Variants in LPP observed in about 807,000 individuals in gnomAD.
The protein encoded by LPP is lipoma-preferred partner.
A neutral mutation model predicts 60.4 loss-of-function variants in LPP; 38 were observed. That is an observed-to-expected ratio of 0.63 (90% confidence interval 0.49 to 0.83). The LOEUF is 0.83. Ranked by LOEUF, LPP falls within the 40% of genes least tolerant of loss-of-function variation. The pLI, the probability that LPP is intolerant of heterozygous loss-of-function variation, is 0.00. For missense variants in LPP, 902 were observed against 783.6 expected, an observed-to-expected ratio of 1.15 and a Z score of -1.80; for synonymous variants, 328 against 290.8, an observed-to-expected ratio of 1.13 and a Z score of -1.30.
intron 9 of LPP, among the ~76,000 whole-genome samples, chr3:188,774,551 A>AG (rs1737115148): frequency 1.3e-5 from 2 of 152,096 alleles, no homozygotes; most frequent in Non-Finnish European, 2.9e-5. Context: ...TATTTAGTAC[A>AG]TTTTTTAAAA....
At chr3:188,829,823 C>T (rs911229477) in intron 9 of LPP, among the ~76,000 whole-genome samples, 8 of 151,966 alleles carry the variant, frequency 5.3e-5, no homozygotes, top group Non-Finnish European at 8.8e-5. Context: ...GGTTTTTTTA[C>T]TTCTGTAAAA....
chr3:188,731,811 C>T (rs565972013), intron 8 of LPP, among the ~76,000 whole-genome samples: 5 of 152,166 alleles, frequency 3.3e-5, no homozygotes, highest in East Asian at 1.9e-4. Context: ...CATGAGCCAC[C>T]GCGCCTGGCC....
chr3:188,610,490 C>T lies in LPP; in HGVS notation c.1113+646C>T, dbSNP rs1843469143. Among the ~76,000 whole-genome samples, 1 of 152,234 alleles carries T rather than the reference C, an allele frequency of 6.6e-6. No homozygotes were observed. Among genetic ancestry groups the T allele is most frequent in the African/African-American group, 2.4e-5 (1 of 41,462 alleles). ...TTTGAGAAGGGGCTGCAGTATAATG[C>T]AGCTTGTTTGTGACCCCTTGTTTAT... On this transcript the variant is annotated intron_variant, in intron 7 of 11. Coordinates refer to ENST00000617246, the MANE Select transcript of LPP (RefSeq NM_001375462.1). This position sits in a 1 kb window ranked among gnomAD's most constrained non-coding sequence, Gnocchi z 4.4.
intron 9 of LPP, among the ~76,000 whole-genome samples, chr3:188,839,368 A>T (rs1759327129): frequency 6.6e-6 from 1 of 152,236 alleles, no homozygotes; most frequent in Non-Finnish European, 1.5e-5. Flanking sequence ...TATGATGTCA[A>T]CAAGGATAAC....
chr3:188,336,740 C>T (rs901299439), intron 2 of LPP, among the ~76,000 whole-genome samples: 8 of 152,114 alleles, frequency 5.3e-5, no homozygotes, highest in African/African-American at 1.2e-4. Context: ...AGGGAAACAG[C>T]GTATTAGAGT....
intron 7 of LPP, among the ~76,000 whole-genome samples, chr3:188,656,777 TAGTG>T (rs1853311870): frequency 6.6e-6 from 1 of 152,188 alleles, no homozygotes; most frequent in African/African-American, 2.4e-5. Context: ...GAAGGAATAA[TAGTG>T]AGTAATACCT....
chr3:188,366,257 AC>A (rs1235314344), intron 3 of LPP, among the ~76,000 whole-genome samples: 12 of 152,166 alleles, frequency 7.9e-5, no homozygotes, highest in Non-Finnish European at 1.6e-4. Context: ...GTGGTAATAC[AC>A]CGCATTTTCT....
intron 7 of LPP, 131 bp from the exon 8 acceptor site, chr3:188,708,136 A>G: frequency 1.0e-6 from 1 of 960,228 alleles, no homozygotes. Flanking sequence ...AACTAATTCT[A>G]AAACCCAGGT....
chr3:188,503,830 G>A (rs1276671813), intron 5 of LPP, among the ~76,000 whole-genome samples: 1 of 152,140 alleles, frequency 6.6e-6, no homozygotes, highest in East Asian at 1.9e-4. Flanking sequence ...TCCCTTGTAT[G>A]TGATGAGTCA....
intron 9 of LPP, among the ~76,000 whole-genome samples, chr3:188,826,781 C>G (rs758193134): frequency 6.6e-6 from 1 of 152,022 alleles, no homozygotes; most frequent in Non-Finnish European, 1.5e-5. Flanking sequence ...GGACCCCCCC[C>G]ACTCTCATCT....
At chr3:188,462,544 T>TTATATATATATA (rs71167102) in intron 4 of LPP, among the ~76,000 whole-genome samples, 9 of 34,190 alleles carry the variant, frequency 2.6e-4, no homozygotes, top group Non-Finnish European at 4.5e-4. Context: ...TATATGAGCT[T>TTATATATATATA]TATATATATA....
At chr3:188,833,838 G>A (rs1240372619) in intron 9 of LPP, among the ~76,000 whole-genome samples, 1 of 151,992 alleles carries the variant, frequency 6.6e-6, no homozygotes, top group Non-Finnish European at 1.5e-5. Flanking sequence ...TTCTTTTAAC[G>A]TAAACTATTT....
At chr3:188,596,500 C>T (rs997248986) in intron 6 of LPP, among the ~76,000 whole-genome samples, 1 of 152,004 alleles carries the variant, frequency 6.6e-6, no homozygotes, top group Admixed American at 6.6e-5. Flanking sequence ...TTTTGAAGAA[C>T]AAATACGTTA....
intron 9 of LPP, among the ~76,000 whole-genome samples, chr3:188,825,718 G>A (rs1256079398): frequency 6.6e-6 from 1 of 151,960 alleles, no homozygotes; most frequent in Non-Finnish European, 1.5e-5. Context: ...CCTAGAAAAA[G>A]ACATACACAC....
At chr3:188,417,551 T>C (rs1321849817) in intron 4 of LPP, among the ~76,000 whole-genome samples, 1 of 152,132 alleles carries the variant, frequency 6.6e-6, no homozygotes, top group Admixed American at 6.6e-5. Context: ...AGCTTTGCAA[T>C]GTGAACAGAG....
At chr3:188,682,349 A>G (rs1247239410) in intron 7 of LPP, among the ~76,000 whole-genome samples, 4 of 152,208 alleles carry the variant, frequency 2.6e-5, no homozygotes, top group Non-Finnish European at 2.9e-5. Context: ...TTTTAGGAGG[A>G]AGAGCCTTTC....
rs1473523811 is a variant in LPP, at chr3:188,375,602, CT to C, written c.-9-30507del. Among the ~76,000 whole-genome samples, 4 of 151,812 alleles carry C rather than the reference CT, an allele frequency of 2.6e-5. No homozygotes were observed. In the East Asian group the frequency reaches 7.7e-4, roughly 29 times the overall value. ...GTCTATTTGATTCTTCTCTTTTCTT[CT>C]TTATTAGTCTTGCTAGTGGTCTATC... is the stretch of plus-strand genomic sequence containing the variant. On this transcript the variant is annotated intron_variant, in intron 3 of 11. Transcript: ENST00000617246.
Position 188,639,034 on chromosome 3 carries a change from C to G in LPP, c.1113+29190C>G, listed in dbSNP as rs1189953304. On this transcript the variant is annotated intron_variant, in intron 7 of 11. Coordinates refer to ENST00000617246, the MANE Select transcript of LPP (RefSeq NM_001375462.1). ...AAACTACTTTAAAGTTCATATGGAA[C>G]CAAAAAAGAGCCCGCATCACCAAGT... 9.3e-5 allele frequency among the ~76,000 whole-genome samples: 14 copies of G among 150,438 alleles called. No individual in the cohort carries two copies. The South Asian group carries it at 1.0e-3, about 11-fold the overall frequency.
intron 2 of LPP, among the ~76,000 whole-genome samples, chr3:188,306,015 A>C (rs1751407760): frequency 6.6e-6 from 1 of 152,148 alleles, no homozygotes; most frequent in Non-Finnish European, 1.5e-5. Context: ...TATGTGACTG[A>C]AGGCTGTTGC....
Sources: gnomAD v4.1 joint callset for allele counts (sites outside exome capture counted in the v4.1 genomes callset) on GRCh38, gnomAD v4.1.1 for gene constraint, Gnocchi (gnomAD v3.1) non-coding constraint, MANE v1.5 for transcripts, NCBI Gene and HGNC (gene_info 2026-07-23, HGNC 2026-07-21) for gene names.